GJA1: variants seen among roughly 807,000 people sequenced by gnomAD.
The protein encoded by GJA1 is gap junction protein alpha 1.
Under a neutral mutation model 31.0 loss-of-function variants are expected in GJA1, and 9 were observed. That is an observed-to-expected ratio of 0.29 (90% CI 0.17 to 0.51). The LOEUF (loss-of-function observed/expected upper bound fraction) is 0.51, where lower values mean the gene tolerates loss of function less well. Ranked by LOEUF, GJA1 falls within the 20% of genes least tolerant of loss-of-function variation. The probability of loss-of-function intolerance (pLI) is 0.98; values close to 1 mark genes in which losing one functional copy is unlikely to be tolerated. For missense variants in GJA1, 278 were observed against 468.8 expected, an observed-to-expected ratio of 0.59 and a Z score of 3.76; for synonymous variants, 186 against 180.1, an observed-to-expected ratio of 1.03 and a Z score of -0.26.
At chr6:121,438,348 C>CT (rs1773704585) in intron 1 of GJA1, among the ~76,000 whole-genome samples, 1 of 152,220 alleles carries the variant, frequency 6.6e-6, no homozygotes, top group Non-Finnish European at 1.5e-5. Flanking sequence ...ACCAACAATG[C>CT]TGTCACCCTC....
chr6:121,440,499 T>C (rs1177786917), intron 1 of GJA1, among the ~76,000 whole-genome samples: 1 of 152,122 alleles, frequency 6.6e-6, no homozygotes, highest in Non-Finnish European at 1.5e-5. Context: ...GTTTCAGCAA[T>C]TGTCACTTGA....
chr6:121,438,834 T>G (rs1053993518), intron 1 of GJA1, among the ~76,000 whole-genome samples: 3 of 151,010 alleles, frequency 2.0e-5, no homozygotes, highest in African/African-American at 7.3e-5. Flanking sequence ...CATAATTGTC[T>G]AAACCTCCAT....
chr6:121,444,474 C>G (rs779687137), intron 1 of GJA1, among the ~76,000 whole-genome samples: 1 of 152,112 alleles, frequency 6.6e-6, no homozygotes, highest in Non-Finnish European at 1.5e-5. Context: ...CTTCTTTGTT[C>G]GGTCCAGGAA....
intron 1 of GJA1, among the ~76,000 whole-genome samples, chr6:121,440,182 G>A (rs1230068405): frequency 6.6e-6 from 1 of 151,780 alleles, no homozygotes; most frequent in Non-Finnish European, 1.5e-5. Context: ...AGAACTAGGG[G>A]ACAACCACAC....
chr6:121,448,829 G>A lies in GJA1; in HGVS notation c.*833G>A, dbSNP rs577667932. 4.8e-5 allele frequency: 8 copies of A among 166,946 alleles called. No homozygotes were observed. The highest frequency in any genetic ancestry group is 2.1e-4 in the South Asian group (1 of 4,828). 10.3% of individuals were successfully genotyped at this position (166,946 alleles called of 1,614,324 possible). ...TTTAACAATCACTTATATGTGTGTC[G>A]AAGAGTTTGTTTTGTTTGTCATGTA... On this transcript the variant is annotated 3_prime_UTR_variant, in exon 2 of 2. Transcript: ENST00000282561.
In GJA1 at chr6:121,449,105, A is replaced by G. The variant is rs1343233641; in HGVS notation, c.*1109A>G. On this transcript the variant is annotated 3_prime_UTR_variant, in exon 2 of 2. Transcript: ENST00000282561. ...TTATTTTCTCTCCTTTTTTTAGGAT[A>G]TAGCAGTAATGCTATTACTGAAATG... is the stretch of plus-strand genomic sequence containing the variant. The G allele has an allele frequency of 1.2e-5, 2 of 166,622 alleles. No homozygotes were observed. The highest frequency in any genetic ancestry group is 1.9e-4 in the East Asian group (1 of 5,202). The allele number at this position is 166,622 out of a possible 1,614,324, so 10.3% of individuals were successfully genotyped here.
intron 1 of GJA1, among the ~76,000 whole-genome samples, chr6:121,439,335 C>G (rs148718506): frequency 4.1e-4 from 63 of 152,208 alleles, no homozygotes; most frequent in African/African-American, 1.5e-3. Flanking sequence ...AAAAAATAGA[C>G]TATCTTAATC....
rs570483305 is a variant in GJA1, at chr6:121,447,555, T to C, written c.708T>C (p.Val236=). ...IELFYVFFKG[V]KDRVKGKSDP... ...TCTTCTATGTTTTCTTCAAGGGCGTTAAGGATCGGGTTAAGGGAAAGAGCG... is the reference window on the plus strand; with the variant it reads ...TCTTCTATGTTTTCTTCAAGGGCGTCAAGGATCGGGTTAAGGGAAAGAGCG... Residue 236 remains valine (V), a synonymous_variant, in exon 2 of 2, where the codon GTT becomes GTC. Transcript: ENST00000282561. The C allele has an allele frequency of 6.2e-7, 1 of 1,614,064 alleles. No individual in the cohort carries two copies. Among genetic ancestry groups the C allele is most frequent in the Non-Finnish European group, 8.5e-7 (1 of 1,179,992 alleles).
At chr6:121,437,777 C>T (rs1409084090) in intron 1 of GJA1, among the ~76,000 whole-genome samples, 1 of 152,108 alleles carries the variant, frequency 6.6e-6, no homozygotes, top group Non-Finnish European at 1.5e-5. Context: ...TAAAAAGAAG[C>T]GTGGCTTTAT....
chr6:121,442,339 C>T (rs1468193381), intron 1 of GJA1, among the ~76,000 whole-genome samples: 1 of 152,146 alleles, frequency 6.6e-6, no homozygotes, highest in Non-Finnish European at 1.5e-5. Flanking sequence ...TAGCAAAAGG[C>T]ATAGTCAAAT....
chr6:121,447,226 T>C lies in GJA1; in HGVS notation c.379T>C (p.Leu127=), dbSNP rs1424350731. The change falls in exon 2 of 2, where the codon TTG becomes CTG. Residue 127 remains leucine (L), a synonymous_variant. Coordinates refer to ENST00000282561, the MANE Select transcript of GJA1 (RefSeq NM_000165.5). ...TGATGGTGTCAATGTGGACATGCAC[T>C]TGAAGCAGATTGAGATAAAGAAGTT... ...QTDGVNVDMH[L]KQIEIKKFKY... The C allele has an allele frequency of 1.2e-6, 2 of 1,613,984 alleles. No individual in the cohort carries two copies. Among genetic ancestry groups the C allele is most frequent in the African/African-American group, 1.3e-5 (1 of 74,914 alleles).
At chr6:121,436,589 C>A (rs1168459049) in intron 1 of GJA1, among the ~76,000 whole-genome samples, 1 of 152,176 alleles carries the variant, frequency 6.6e-6, no homozygotes, top group Non-Finnish European at 1.5e-5. Context: ...GAGATGAAAT[C>A]TCTTGAATGG....
chr6:121,447,194 C>T lies in GJA1; in HGVS notation c.347C>T (p.Ala116Val), dbSNP rs564147427. ...LNKKEEELKV[A>V]QTDGVNVDMH... Reference sequence around the variant, plus strand: ...AAGAAAGAGGAAGAACTCAAGGTTGCCCAAACTGATGGTGTCAATGTGGAC... The same window carrying T: ...AAGAAAGAGGAAGAACTCAAGGTTGTCCAAACTGATGGTGTCAATGTGGAC... Residue 116 changes from alanine (A) to valine (V), a missense_variant, in exon 2 of 2, where the codon GCC becomes GTC. By Grantham distance (64) the Ala-to-Val change is moderately conservative. This residue lies in a region of GJA1 where 80 missense variants were observed against 163.5 expected (regional missense o/e 0.49). Coordinates refer to ENST00000282561, the MANE Select transcript of GJA1 (RefSeq NM_000165.5). The T allele has an allele frequency of 3.7e-6, 6 of 1,613,882 alleles. No homozygotes were observed. In the East Asian group the frequency reaches 1.1e-4, roughly 30 times the overall value.
intron 1 of GJA1, among the ~76,000 whole-genome samples, chr6:121,444,789 A>G (rs915775037): frequency 2.6e-5 from 4 of 152,184 alleles, no homozygotes; most frequent in African/African-American, 9.7e-5. Context: ...TCTTTGACTA[A>G]TTTGTCCTTT....
rs187670693 is a variant in GJA1, at chr6:121,445,485, G to A, written c.-16-1347G>A. ...TCTTATCCTCAGTAATGGAGAAGGC[G>A]TGGACTTTAGATAGCTAGATATTGA... On this transcript the variant is annotated intron_variant, in intron 1 of 1. Coordinates refer to ENST00000282561, the MANE Select transcript of GJA1 (RefSeq NM_000165.5). 1.2e-4 allele frequency among the ~76,000 whole-genome samples: 19 copies of A among 152,318 alleles called. No homozygotes were observed. In the East Asian group the frequency reaches 1.7e-3, roughly 14 times the overall value.
intron 1 of GJA1, among the ~76,000 whole-genome samples, chr6:121,442,184 C>T (rs768029214): frequency 4.5e-4 from 69 of 151,996 alleles, no homozygotes; most frequent in Non-Finnish European, 5.0e-4. Context: ...TCCTATTTAC[C>T]TTTATTTAAG....
At chr6:121,436,834 C>T (rs1034067081) in intron 1 of GJA1, among the ~76,000 whole-genome samples, 1 of 152,170 alleles carries the variant, frequency 6.6e-6, no homozygotes, top group African/African-American at 2.4e-5. Context: ...GTTGGAGCTC[C>T]TAGGGCAAAG....
intron 1 of GJA1, among the ~76,000 whole-genome samples, chr6:121,439,407 C>T (rs1773726973): frequency 6.6e-6 from 1 of 152,070 alleles, no homozygotes; most frequent in Non-Finnish European, 1.5e-5. Flanking sequence ...AGGCTATTCA[C>T]TAAAAATAGT....
chr6:121,438,082 G>C (rs1444408333), intron 1 of GJA1, among the ~76,000 whole-genome samples: 2 of 152,152 alleles, frequency 1.3e-5, no homozygotes, highest in African/African-American at 4.8e-5. Flanking sequence ...CGAATTGACT[G>C]GAAATTATAC....
Sources: gnomAD v4.1 joint callset for allele counts (sites outside exome capture counted in the v4.1 genomes callset) on GRCh38, gnomAD v4.1.1 for gene constraint, gnomAD v4.1.1 regional missense constraint, MANE v1.5 for transcripts, NCBI Gene and HGNC (gene_info 2026-07-23, HGNC 2026-07-21) for gene names.